Variants in CSMD1 observed in about 807,000 individuals in gnomAD.
The protein encoded by CSMD1 is CUB and Sushi multiple domains 1.
CSMD1 carries 213 observed loss-of-function variants against 417.5 expected under a neutral mutation model. The observed-to-expected ratio is 0.51, with a 90% CI of 0.46 to 0.57. The LOEUF is 0.57. Ranked by LOEUF, CSMD1 falls within the 20% of genes least tolerant of loss-of-function variation. The pLI is 0.00. For synonymous variants in CSMD1, 2,862 were observed against 1,736.8 expected (o/e 1.65, Z -16.11); for missense variants, 6,923 against 4,529.7 (o/e 1.53, Z -15.17).
At chr8:3,154,960 T>G (rs1419258599) in intron 39 of CSMD1, among the ~76,000 whole-genome samples, 2 of 152,146 alleles carry the variant, frequency 1.3e-5, no homozygotes, top group African/African-American at 4.8e-5. Flanking sequence ...AATCTGTCTT[T>G]GAGATTTATC....
intron 8 of CSMD1, among the ~76,000 whole-genome samples, chr8:3,599,503 C>T (rs1292096626): frequency 1.3e-5 from 2 of 152,190 alleles, no homozygotes; most frequent in Middle Eastern, 3.4e-3. Flanking sequence ...GAGTTAGTAA[C>T]CCCAACACAG....
intron 3 of CSMD1, among the ~76,000 whole-genome samples, chr8:4,253,903 C>A (rs1226979450): frequency 6.6e-5 from 9 of 135,678 alleles, no homozygotes; most frequent in African/African-American, 2.4e-4. Context: ...TTATTTCCTT[C>A]CATCTTTTTT....
intron 33 of CSMD1, among the ~76,000 whole-genome samples, chr8:3,197,339 T>C (rs999116632): frequency 6.6e-6 from 1 of 152,174 alleles, no homozygotes; most frequent in Non-Finnish European, 1.5e-5. Flanking sequence ...TTAGCTATCC[T>C]ACAACCACGG....
chr8:4,433,126 C>A (rs1354894881), intron 2 of CSMD1, among the ~76,000 whole-genome samples: 2 of 152,140 alleles, frequency 1.3e-5, no homozygotes, highest in African/African-American at 2.4e-5. Flanking sequence ...TGGGACTGAC[C>A]AGTTGCAGAA....
intron 6 of CSMD1, among the ~76,000 whole-genome samples, chr8:3,748,419 C>G (rs1392114264): frequency 6.6e-6 from 1 of 152,116 alleles, no homozygotes; most frequent in African/African-American, 2.4e-5. Context: ...AGGCAGGAGG[C>G]CCATGTGGAG....
At chr8:3,546,586 G>A (rs140833596) in intron 10 of CSMD1, among the ~76,000 whole-genome samples, 3 of 151,826 alleles carry the variant, frequency 2.0e-5, no homozygotes, top group Non-Finnish European at 2.9e-5. Flanking sequence ...TCTCCTCACA[G>A]TACTGAGCAA....
intron 1 of CSMD1, among the ~76,000 whole-genome samples, chr8:4,909,592 T>A (rs1223200577): frequency 6.6e-6 from 1 of 152,132 alleles, no homozygotes; most frequent in Non-Finnish European, 1.5e-5. Flanking sequence ...GGGATATTCC[T>A]GGAATTTTCA....
intron 12 of CSMD1, among the ~76,000 whole-genome samples, chr8:3,466,836 A>G (rs1334715450): frequency 6.6e-6 from 1 of 152,138 alleles, no homozygotes; most frequent in Admixed American, 6.5e-5. Flanking sequence ...CTTTGTCTTC[A>G]ACTGTTAGCT....
At chr8:4,493,634 G>A (rs188639195) in intron 2 of CSMD1, among the ~76,000 whole-genome samples, 3 of 152,288 alleles carry the variant, frequency 2.0e-5, no homozygotes, top group East Asian at 1.9e-4. Context: ...ATTTGATGCT[G>A]GAGTGAGCTA....
intron 5 of CSMD1, among the ~76,000 whole-genome samples, chr8:3,940,666 T>A (rs1412111749): frequency 6.6e-6 from 1 of 151,968 alleles, no homozygotes; most frequent in Non-Finnish European, 1.5e-5. Context: ...TCCTAGATGT[T>A]CCCAAATTTC....
chr8:4,905,781 C>T (rs916142932), intron 1 of CSMD1, among the ~76,000 whole-genome samples: 2 of 140,318 alleles, frequency 1.4e-5, no homozygotes, highest in East Asian at 2.4e-4. Flanking sequence ...GATTGTGCCA[C>T]TGCACTCCAG....
chr8:4,046,515 T>A (rs374947489), intron 3 of CSMD1, among the ~76,000 whole-genome samples: 4 of 152,204 alleles, frequency 2.6e-5, no homozygotes, highest in Admixed American at 6.5e-5. Context: ...GTGGTTGCTG[T>A]TGCCTTACAC....
At chr8:4,332,041 T>A (rs1799895564) in intron 3 of CSMD1, among the ~76,000 whole-genome samples, 1 of 152,138 alleles carries the variant, frequency 6.6e-6, no homozygotes, top group Middle Eastern at 3.4e-3. Context: ...ATGCTTGTGG[T>A]TTTTATTTTT....
chr8:3,166,113 G>A (rs548540369), intron 37 of CSMD1, among the ~76,000 whole-genome samples: 3 of 152,140 alleles, frequency 2.0e-5, no homozygotes, highest in South Asian at 4.2e-4. Context: ...AATATGAACT[G>A]TGTAGAAGGT....
At chr8:3,461,119 G>A (rs1248922111) in intron 12 of CSMD1, among the ~76,000 whole-genome samples, 2 of 152,130 alleles carry the variant, frequency 1.3e-5, no homozygotes, top group African/African-American at 2.4e-5. Flanking sequence ...CATCAGATGC[G>A]GCCCTCATCG....
Position 3,699,037 on chromosome 8 carries a change from G to C in CSMD1, c.1009+9377C>G, listed in dbSNP as rs142262432. Reference sequence around the variant, plus strand: ...GTACCCACATCCCACCTCAAGCTCTGGATCTAGCGAAGCACTCTGCAGAAA... The same window carrying C: ...GTACCCACATCCCACCTCAAGCTCTCGATCTAGCGAAGCACTCTGCAGAAA... On this transcript the variant is annotated intron_variant, in intron 7 of 69. Transcript: ENST00000635120. Among the ~76,000 whole-genome samples, 5 of 152,224 alleles carry C rather than the reference G, an allele frequency of 3.3e-5. No individual in the cohort carries two copies. The East Asian group carries it at 9.7e-4, about 29-fold the overall frequency.
intron 7 of CSMD1, among the ~76,000 whole-genome samples, chr8:3,673,951 C>G (rs1039345242): frequency 3.9e-5 from 6 of 152,044 alleles, no homozygotes; most frequent in Non-Finnish European, 4.4e-5. Context: ...AATCATGTCT[C>G]TAATCCAAAT....
intron 3 of CSMD1, among the ~76,000 whole-genome samples, chr8:4,184,792 C>G (rs1012377840): frequency 4.0e-5 from 6 of 151,678 alleles, no homozygotes; most frequent in Non-Finnish European, 5.9e-5. Flanking sequence ...CAACCTGTGA[C>G]ACAGGTTTAC....
In CSMD1 at chr8:4,572,970, G is replaced by A. The variant is rs373018456; in HGVS notation, c.302+64372C>T. On this transcript the variant is annotated intron_variant, in intron 2 of 69. Coordinates refer to ENST00000635120, the MANE Select transcript of CSMD1 (RefSeq NM_033225.6). ...GTGCCGTGTTTTTCAGCTCCATCAGGTCATTTATGTTCTTCTCTAAACTAG... is the reference window on the plus strand; with the variant it reads ...GTGCCGTGTTTTTCAGCTCCATCAGATCATTTATGTTCTTCTCTAAACTAG... Among the ~76,000 whole-genome samples the A allele has an allele frequency of 3.3e-5, 5 of 152,234 alleles. No individual in the cohort carries two copies. The East Asian group carries it at 5.8e-4, about 18-fold the overall frequency.
Sources: allele counts gnomAD v4.1 joint callset (sites outside exome capture counted in the v4.1 genomes callset), GRCh38; gene constraint gnomAD v4.1.1; transcripts MANE v1.5; gene names NCBI Gene and HGNC (gene_info 2026-07-23, HGNC 2026-07-21).